RAB44: variants seen among roughly 807,000 people sequenced by gnomAD.
RAB44 encodes RAB44, member RAS oncogene family.
RAB44 carries 67 observed loss-of-function variants against 93.3 expected under a neutral mutation model. The ratio of observed to expected loss-of-function variants is 0.72; its 90% CI spans 0.59 to 0.88. RAB44 has a LOEUF of 0.88. Ranked by LOEUF, RAB44 falls within the 40% of genes least tolerant of loss-of-function variation. RAB44 has a pLI of 0.00. For synonymous variants in RAB44, 427 were observed against 520.3 expected (o/e 0.82, Z 2.44); for missense variants, 1,064 against 1,261.7 (o/e 0.84, Z 2.37).
At chr6:36,715,700 TG>T (rs1230505808) in intron 4 of RAB44, 47 bp downstream of exon 4, 21 of 1,520,810 alleles carry the variant, frequency 1.4e-5, no homozygotes, top group Non-Finnish European at 1.7e-5. Flanking sequence ...TGCCAGCCAT[TG>T]ACGGCAGGGG....
chr6:36,713,921 G>T lies in RAB44; in HGVS notation c.301G>T (p.Glu101Ter). 6.5e-7 allele frequency: 1 copy of T among 1,534,128 alleles called. No individual in the cohort carries two copies. The highest frequency in any genetic ancestry group is 1.2e-5 in the South Asian group (1 of 84,018). ...VERKGHLSLEEFSSGLKNIFG... is the reference protein window; with the variant it reads ...VERKGHLSLE Reference sequence around the variant, plus strand: ...GCGGAAGGGACACCTGTCCCTTGAAGAATTCAGCTCTGGACTCAGTATGTC... The same window carrying T: ...GCGGAAGGGACACCTGTCCCTTGAATAATTCAGCTCTGGACTCAGTATGTC... Residue 101 changes from glutamate to a stop codon, truncating the protein, a stop_gained, in exon 3 of 14, where the codon GAA (glutamate) becomes TAA (stop). Transcript: ENST00000612677. LOFTEE classifies it high-confidence loss of function.
chr6:36,701,841 TG>T (rs11284346), intron 1 of RAB44, among the ~76,000 whole-genome samples: 75,835 of 151,782 alleles, frequency 0.5, 19,147 homozygotes, highest in East Asian at 0.63. Context: ...AGGGGGTGCA[TG>T]GGGACTGGAA....
In RAB44 at chr6:36,722,459, C is replaced by G. The variant is rs1224019500; in HGVS notation, c.2325C>G (p.Pro775=). 18 of 1,445,486 alleles carry G rather than the reference C, an allele frequency of 1.2e-5. No individual in the cohort carries two copies. Among genetic ancestry groups the G allele is most frequent in the Non-Finnish European group, 1.6e-5 (18 of 1,102,338 alleles). 89.5% of individuals were successfully genotyped at this position (1,445,486 alleles called of 1,614,324 possible). Residue 775 remains proline, a synonymous_variant, in exon 9 of 14, where the codon CCC becomes CCG. Coordinates refer to ENST00000612677, the MANE Select transcript of RAB44 (RefSeq NM_001257357.2). ...PPTMAEQEAQ[P]RPSLTTAHAE... is the part of the protein sequence containing the mutation. ...CCATGGCTGAGCAGGAAGCCCAACC[C>G]AGGCCATCCCTCACGACTGCTCACG...
At chr6:36,702,317 A>ACT (rs1762529557) in intron 1 of RAB44, among the ~76,000 whole-genome samples, 1 of 112,170 alleles carries the variant, frequency 8.9e-6, no homozygotes, top group South Asian at 3.8e-4. Context: ...AGAGAGAGAG[A>ACT]GAGAGAGAGA....
Position 36,722,656 on chromosome 6 carries a change from A to T in RAB44, c.2522A>T (p.Asp841Val), listed in dbSNP as rs774787507. ...DYLFHVIFLG[D>V]SNVGKTSFLH... Reference sequence around the variant, plus strand: ...CTCTTCCATGTCATCTTTCTGGGAGACTCCAACGTGGGCAAAACATCCTTC... The same window carrying T: ...CTCTTCCATGTCATCTTTCTGGGAGTCTCCAACGTGGGCAAAACATCCTTC... The change falls in exon 9 of 14, where the codon GAC (aspartate) becomes GTC (valine). Residue 841 changes from aspartate to valine, a missense_variant. Coordinates refer to ENST00000612677, the MANE Select transcript of RAB44 (RefSeq NM_001257357.2). The T allele has an allele frequency of 1.9e-5, 29 of 1,550,334 alleles. No individual in the cohort carries two copies. Among genetic ancestry groups the T allele is most frequent in the Admixed American group, 2.0e-5 (1 of 50,968 alleles).
intron 4 of RAB44, among the ~76,000 whole-genome samples, chr6:36,716,487 A>G (rs868677591): frequency 4.0e-4 from 60 of 149,464 alleles, no homozygotes; most frequent in Admixed American, 3.3e-3. Flanking sequence ...AAAAAAAAAA[A>G]AGAGAGAGAT....
chr6:36,725,031 G>T (rs1229270009), intron 9 of RAB44, among the ~76,000 whole-genome samples: 1 of 152,230 alleles, frequency 6.6e-6, no homozygotes, highest in East Asian at 1.9e-4. Flanking sequence ...GAGGAAAGCA[G>T]AGAATTGAAG....
intron 2 of RAB44, among the ~76,000 whole-genome samples, chr6:36,707,657 C>G (rs1762681811): frequency 6.6e-6 from 1 of 152,164 alleles, no homozygotes; most frequent in Non-Finnish European, 1.5e-5. Flanking sequence ...AAGCCTACAC[C>G]CAAGTGAAGC....
intron 4 of RAB44, among the ~76,000 whole-genome samples, chr6:36,716,101 G>A (rs563032933): frequency 7.0e-4 from 106 of 152,306 alleles, no homozygotes; most frequent in Middle Eastern, 6.8e-3. Flanking sequence ...TGGGTTGAAC[G>A]GGTTTGGAGA....
At chr6:36,725,503 C>A (rs1445104878) in intron 9 of RAB44, among the ~76,000 whole-genome samples, 1 of 152,338 alleles carries the variant, frequency 6.6e-6, no homozygotes, top group African/African-American at 2.4e-5. Flanking sequence ...CCCCTCTGGG[C>A]TCCTTGTCTC....
chr6:36,723,308 G>A (rs560086585), intron 9 of RAB44, among the ~76,000 whole-genome samples: 11 of 152,304 alleles, frequency 7.2e-5, no homozygotes, highest in African/African-American at 1.9e-4. Context: ...CAACAGTAGT[G>A]CTGCCTTCCT....
chr6:36,705,505 C>T (rs962843803), intron 2 of RAB44, among the ~76,000 whole-genome samples: 1 of 151,076 alleles, frequency 6.6e-6, no homozygotes, highest in South Asian at 2.1e-4. Context: ...GCTTCAGCCT[C>T]CCAAGTAGCT....
Position 36,722,440 on chromosome 6 carries a change from C to A in RAB44, c.2306C>A (p.Ala769Asp). The A allele has an allele frequency of 4.2e-6, 6 of 1,437,158 alleles. No individual in the cohort carries two copies. The highest frequency in any genetic ancestry group is 5.5e-6 in the Non-Finnish European group (6 of 1,099,258). 89.0% of individuals were successfully genotyped at this position (1,437,158 alleles called of 1,614,324 possible). A position where few individuals can be genotyped will look rare whatever the true frequency, so the allele number is the denominator to read the frequency against. Residue 769 changes from alanine to aspartate, a missense_variant, in exon 9 of 14, where the codon GCT (alanine) becomes GAT (aspartate). Ala to Asp is a moderately radical substitution (Grantham distance 126). Coordinates refer to ENST00000612677, the MANE Select transcript of RAB44 (RefSeq NM_001257357.2). ...QEPTQTPPTMAEQEAQPRPSL... is the reference protein window; with the variant it reads ...QEPTQTPPTMDEQEAQPRPSL... The stretch of plus-strand genomic sequence containing the variant: ...CCCACGCAAACCCCTCCCACCATGG[C>A]TGAGCAGGAAGCCCAACCCAGGCCA...
intron 2 of RAB44, among the ~76,000 whole-genome samples, chr6:36,706,815 CTCCTGGGTTCAAGTGA>C (rs1386346432): frequency 1.3e-5 from 2 of 152,012 alleles, no homozygotes; most frequent in Non-Finnish European, 2.9e-5. Context: ...CAACCTCCGC[CTCCTGGGTTCAAGTGA>C]TCCTCTCGCC....
At chr6:36,702,145 T>C (rs1762523662) in intron 1 of RAB44, among the ~76,000 whole-genome samples, 1 of 152,078 alleles carries the variant, frequency 6.6e-6, no homozygotes, top group Non-Finnish European at 1.5e-5. Flanking sequence ...ATGGTGCCAA[T>C]ACTCCCACAG....
Position 36,711,691 on chromosome 6 carries a change from C to T in RAB44, c.208-2137C>T, listed in dbSNP as rs141847591. On this transcript the variant is annotated intron_variant, in intron 2 of 13. Coordinates refer to ENST00000612677, the MANE Select transcript of RAB44 (RefSeq NM_001257357.2). ...CAGAACTCCTTTAAGAGACATAGTA[C>T]GCTAAGTTATTAATACCTTCCAGAT... Among the ~76,000 whole-genome samples, 264 of 152,282 alleles carry T rather than the reference C, an allele frequency of 1.7e-3. 2 individuals are homozygous for T. The highest frequency in any genetic ancestry group is 5.8e-3 in the African/African-American group (242 of 41,558).
chr6:36,713,790 C>A, intron 2 of RAB44, 38 bp from the exon 3 acceptor site: 1 of 1,321,808 alleles, frequency 7.6e-7, no homozygotes, highest in Non-Finnish European at 1.1e-6. Context: ...GAGCCTTCCC[C>A]GGTGGGAACA....
intron 2 of RAB44, among the ~76,000 whole-genome samples, chr6:36,712,953 A>C (rs892858411): frequency 3.3e-5 from 5 of 152,228 alleles, no homozygotes; most frequent in African/African-American, 1.2e-4. Context: ...GAGAATCAGC[A>C]AACTCAAAGT....
In RAB44 at chr6:36,732,638, C is replaced by G. The variant is rs1187975822; in HGVS notation, c.*545C>G. On this transcript the variant is annotated 3_prime_UTR_variant, in exon 14 of 14. Coordinates refer to ENST00000612677, the MANE Select transcript of RAB44 (RefSeq NM_001257357.2). ...TCCCTCTGTGCTCTGCTTGGCAGGG[C>G]GCTGTTGGCCTGGTCTCCCTCGCTA... is the stretch of plus-strand genomic sequence containing the variant. The G allele has an allele frequency of 2.6e-5, 4 of 152,102 alleles. No individual in the cohort carries two copies. Among genetic ancestry groups the G allele is most frequent in the Non-Finnish European group, 4.4e-5 (3 of 68,046 alleles). 9.4% of individuals were successfully genotyped at this position (152,102 alleles called of 1,614,324 possible).
Sources: allele counts gnomAD v4.1 joint callset (sites outside exome capture counted in the v4.1 genomes callset), GRCh38; gene constraint gnomAD v4.1.1; transcripts MANE v1.5; gene names NCBI Gene and HGNC (gene_info 2026-07-23, HGNC 2026-07-21).